The following BCL2 variants were observed in gnomAD, a reference collection of about 807,000 sequenced individuals.
BCL2 encodes the protein apoptosis regulator Bcl-2.
Under a neutral mutation model 14.2 loss-of-function variants are expected in BCL2, and 1 was observed. The ratio of observed to expected loss-of-function variants is 0.07; its 90% CI spans 0.02 to 0.33. The LOEUF (loss-of-function observed/expected upper bound fraction) is 0.33. Among genes scored for constraint, BCL2 ranks in the 10% least tolerant of loss-of-function variants. The pLI, the probability that BCL2 is intolerant of heterozygous loss-of-function variation, is 0.99. For missense variants in BCL2, 247 were observed against 305.9 expected, an observed-to-expected ratio of 0.81 and a Z score of 1.44; for synonymous variants, 151 against 137.2, an observed-to-expected ratio of 1.10 and a Z score of -0.70.
chr18:63,289,280 A>G (rs974002908), intron 2 of BCL2, among the ~76,000 whole-genome samples: 7 of 152,228 alleles, frequency 4.6e-5, no homozygotes, highest in Non-Finnish European at 8.8e-5. Flanking sequence ...GCACAAAAAA[A>G]AAGAAAAAGG....
At chr18:63,312,295 T>G (rs916138150) in intron 2 of BCL2, among the ~76,000 whole-genome samples, 4 of 152,164 alleles carry the variant, frequency 2.6e-5, no homozygotes, top group Non-Finnish European at 5.9e-5. Context: ...GTCACAGGGG[T>G]GGTGGCACCT....
At chr18:63,287,070 C>T (rs1568258686) in intron 2 of BCL2, among the ~76,000 whole-genome samples, 1 of 152,050 alleles carries the variant, frequency 6.6e-6, no homozygotes, top group Non-Finnish European at 1.5e-5. Context: ...CTCTTTTCTC[C>T]GTCTCTCACT....
At chr18:63,220,481 G>A (rs963772404) in intron 2 of BCL2, among the ~76,000 whole-genome samples, 6 of 152,184 alleles carry the variant, frequency 3.9e-5, no homozygotes, top group African/African-American at 1.4e-4. Context: ...AAATGGGGCA[G>A]AATCCAGGCT....
chr18:63,206,468 T>C (rs2040280677), intron 2 of BCL2, among the ~76,000 whole-genome samples: 1 of 152,204 alleles, frequency 6.6e-6, no homozygotes, highest in African/African-American at 2.4e-5. Context: ...AGGTTCCATT[T>C]CCCAATGCTT....
intron 2 of BCL2, among the ~76,000 whole-genome samples, chr18:63,285,669 G>T (rs1180419858): frequency 1.5e-5 from 2 of 130,792 alleles, no homozygotes; most frequent in Admixed American, 1.7e-4. Flanking sequence ...AGAATCCTGA[G>T]TTTGGTTTCA....
At chr18:63,178,889 G>A (rs1915411802) in intron 2 of BCL2, among the ~76,000 whole-genome samples, 1 of 112,432 alleles carries the variant, frequency 8.9e-6, no homozygotes, top group Admixed American at 1.1e-4. Flanking sequence ...GAAGGGAAAG[G>A]GGTTCAAGGC....
chr18:63,268,717 A>G (rs1911912807), intron 2 of BCL2, among the ~76,000 whole-genome samples: 1 of 152,180 alleles, frequency 6.6e-6, no homozygotes, highest in Admixed American at 6.5e-5. Context: ...GGGCAACAGA[A>G]ATATTATTCA....
At chr18:63,135,663 C>T (rs1914188528) in intron 2 of BCL2, among the ~76,000 whole-genome samples, 1 of 152,214 alleles carries the variant, frequency 6.6e-6, no homozygotes, top group Non-Finnish European at 1.5e-5. Context: ...CCTGATTCCA[C>T]CATCTCCCAT....
intron 2 of BCL2, among the ~76,000 whole-genome samples, chr18:63,190,184 A>C (rs1450387365): frequency 6.6e-6 from 1 of 152,170 alleles, no homozygotes; most frequent in Non-Finnish European, 1.5e-5. Context: ...ATTTCCCATC[A>C]TTCTCCCTAA....
At chr18:63,213,302 T>C (rs1910098970) in intron 2 of BCL2, among the ~76,000 whole-genome samples, 1 of 152,230 alleles carries the variant, frequency 6.6e-6, no homozygotes, top group Non-Finnish European at 1.5e-5. Context: ...TAATATTATT[T>C]TAGTCAATAT....
intron 2 of BCL2, among the ~76,000 whole-genome samples, chr18:63,222,240 C>T (rs1430683297): frequency 6.9e-6 from 1 of 145,174 alleles, no homozygotes; most frequent in Admixed American, 7.0e-5. Context: ...CACCACTGCA[C>T]TCCAGCCTGG....
intron 2 of BCL2, among the ~76,000 whole-genome samples, chr18:63,131,169 A>G (rs896467962): frequency 6.6e-6 from 1 of 152,116 alleles, no homozygotes; most frequent in Non-Finnish European, 1.5e-5. Flanking sequence ...CAGACCATAG[A>G]AGAACAGATG....
intron 2 of BCL2, among the ~76,000 whole-genome samples, chr18:63,263,933 C>T (rs934999896): frequency 9.2e-5 from 14 of 152,166 alleles, no homozygotes; most frequent in Admixed American, 8.5e-4. Flanking sequence ...TTAAGCGAAT[C>T]TCATTTTTGT....
chr18:63,154,547 C>T (rs1169912408), intron 2 of BCL2, among the ~76,000 whole-genome samples: 1 of 152,230 alleles, frequency 6.6e-6, no homozygotes, highest in Non-Finnish European at 1.5e-5. Flanking sequence ...CTGGCAGCAT[C>T]AGCTGCAGCC....
At chr18:63,311,066 A>G (rs1344907302) in intron 2 of BCL2, among the ~76,000 whole-genome samples, 4 of 151,778 alleles carry the variant, frequency 2.6e-5, no homozygotes, top group African/African-American at 9.7e-5. Flanking sequence ...TTTAAAGCTG[A>G]TGATATAATT....
chr18:63,226,315 G>A (rs1364655574), intron 2 of BCL2, among the ~76,000 whole-genome samples: 1 of 152,182 alleles, frequency 6.6e-6, no homozygotes, highest in Non-Finnish European at 1.5e-5. Context: ...CAACATTCGA[G>A]TGGGAAAACA....
intron 2 of BCL2, among the ~76,000 whole-genome samples, chr18:63,132,587 G>A (rs1225523130): frequency 2.6e-5 from 4 of 152,118 alleles, no homozygotes; most frequent in Non-Finnish European, 4.4e-5. Flanking sequence ...AGGGCTAGAG[G>A]GCAAGTCATT....
intron 2 of BCL2, among the ~76,000 whole-genome samples, chr18:63,179,566 T>C (rs1915435188): frequency 6.6e-6 from 1 of 152,334 alleles, no homozygotes; most frequent in South Asian, 2.1e-4. Flanking sequence ...CCTATGGGCT[T>C]GGTTCCCAGA....
At chr18:63,137,799 CA>C (rs1405454967) in intron 2 of BCL2, among the ~76,000 whole-genome samples, 4 of 152,204 alleles carry the variant, frequency 2.6e-5, no homozygotes, top group Admixed American at 6.5e-5. Flanking sequence ...ATTAGGAAGA[CA>C]AACTTTGACA....
Sources: allele counts gnomAD v4.1 joint callset (sites outside exome capture counted in the v4.1 genomes callset), GRCh38; gene constraint gnomAD v4.1.1; transcripts MANE v1.5; gene names NCBI Gene and HGNC (gene_info 2026-07-23, HGNC 2026-07-21).